Variants in ZNF112 observed in about 807,000 individuals in gnomAD.
ZNF112 encodes zinc finger protein 112.
In ZNF112, 37 loss-of-function variants were observed where a neutral mutation model predicts 77.7. The observed-to-expected ratio is 0.48, with a 90% CI of 0.37 to 0.63. ZNF112 has a LOEUF of 0.63. ZNF112 is among the 20% of genes least tolerant of loss of function. The probability of loss-of-function intolerance (pLI) is 0.00; values close to 1 mark genes in which losing one functional copy is unlikely to be tolerated. For synonymous variants in ZNF112, 333 were observed against 363.6 expected, an observed-to-expected ratio of 0.92 and a Z score of 0.96; for missense variants, 950 against 1,077.4, an observed-to-expected ratio of 0.88 and a Z score of 1.66.
At chr19:44,342,871 T>C (rs564936402) in intron 1 of ZNF112, among the ~76,000 whole-genome samples, 185 of 150,976 alleles carry the variant, frequency 1.2e-3, no homozygotes, top group Middle Eastern at 7.0e-3. Flanking sequence ...ACAGTTTACG[T>C]CAATAATATT....
chr19:44,350,125 T>C (rs1970666009), intron 1 of ZNF112, among the ~76,000 whole-genome samples: 1 of 152,082 alleles, frequency 6.6e-6, no homozygotes, highest in African/African-American at 2.4e-5. Context: ...AAAGATATGT[T>C]GGAGCAGAAA....
At chr19:44,334,312 T>C (rs1970325222) in intron 3 of ZNF112, among the ~76,000 whole-genome samples, 1 of 152,176 alleles carries the variant, frequency 6.6e-6, no homozygotes, top group Non-Finnish European at 1.5e-5. Context: ...CAGCATATGC[T>C]CATATTTATG....
intron 2 of ZNF112, among the ~76,000 whole-genome samples, chr19:44,338,468 A>G (rs1372107350): frequency 6.6e-6 from 1 of 152,168 alleles, no homozygotes; most frequent in Admixed American, 6.5e-5. Flanking sequence ...GGGTAATCAA[A>G]GTTAACACCA....
At chr19:44,340,117 C>G (rs892604000) in intron 2 of ZNF112, among the ~76,000 whole-genome samples, 1 of 151,646 alleles carries the variant, frequency 6.6e-6, no homozygotes, top group Non-Finnish European at 1.5e-5. Context: ...AAAAAAACCC[C>G]TCTAAAAAGT....
chr19:44,352,691 T>C (rs768766743), intron 1 of ZNF112, among the ~76,000 whole-genome samples: 3 of 152,084 alleles, frequency 2.0e-5, no homozygotes, highest in Non-Finnish European at 4.4e-5. Flanking sequence ...TGTATTTCTA[T>C]ACACTAACAA....
At chr19:44,337,976 TAAAAAA>T (rs145125077) in intron 2 of ZNF112, among the ~76,000 whole-genome samples, 1 of 104,536 alleles carries the variant, frequency 9.6e-6, no homozygotes, top group Non-Finnish European at 2.0e-5. Context: ...ATTCCCCAGT[TAAAAAA>T]AAAAAAAAAA....
intron 1 of ZNF112, among the ~76,000 whole-genome samples, chr19:44,365,110 T>C (rs1029965110): frequency 3.9e-5 from 6 of 152,112 alleles, no homozygotes; most frequent in African/African-American, 1.2e-4. Context: ...CAATATTGGT[T>C]TTTTTATTGT....
intron 1 of ZNF112, among the ~76,000 whole-genome samples, chr19:44,351,046 G>C (rs989228952): frequency 3.9e-5 from 6 of 151,960 alleles, no homozygotes; most frequent in Non-Finnish European, 7.4e-5. Flanking sequence ...GTGTCAGCAG[G>C]GCTGGTTGCT....
Position 44,329,883 on chromosome 19 carries a change from A to G in ZNF112, c.274T>C (p.Phe92Leu), listed in dbSNP as rs1436989773. ...CGGGAGGAAAGCTCTTTGGGGGAAA[A>G]GTAGCTTACTGTTACTTCCTGAATA... is the stretch of plus-strand genomic sequence containing the variant. ...ESIQEVTVSY[F>L]SPKELSSRQT... is the part of the protein sequence containing the mutation. Residue 92 changes from phenylalanine to leucine, a missense_variant, in exon 4 of 4, where the codon TTT (phenylalanine) becomes CTT (leucine). Physicochemically the swap from Phe to Leu is conservative, Grantham distance 22. This residue lies in a region of ZNF112 where 560 missense variants were observed against 557.3 expected (regional missense o/e 1.00). Transcript: ENST00000354340. 1 of 1,613,952 alleles carries G rather than the reference A, an allele frequency of 6.2e-7. No individual in the cohort carries two copies. Among genetic ancestry groups the G allele is most frequent in the Non-Finnish European group, 8.5e-7 (1 of 1,179,960 alleles).
intron 2 of ZNF112, 146 bp downstream of exon 2, chr19:44,340,270 C>A: frequency 9.2e-7 from 1 of 1,082,938 alleles, no homozygotes; most frequent in Non-Finnish European, 1.3e-6. Context: ...TCAGAAACAT[C>A]TTGTCTGTGT....
At chr19:44,346,638 T>C (rs1449472226) in intron 1 of ZNF112, among the ~76,000 whole-genome samples, 1 of 152,200 alleles carries the variant, frequency 6.6e-6, no homozygotes, top group Non-Finnish European at 1.5e-5. Context: ...AAAATTTGAA[T>C]ATACTCTCAC....
chr19:44,336,847 C>A, intron 2 of ZNF112, 129 bp from the exon 3 acceptor site: 1 of 676,258 alleles, frequency 1.5e-6, no homozygotes, highest in East Asian at 2.7e-5. Flanking sequence ...TTACCTTCCA[C>A]TCACTATAAG....
intron 1 of ZNF112, among the ~76,000 whole-genome samples, chr19:44,356,376 G>C (rs901887432): frequency 6.6e-6 from 1 of 152,192 alleles, no homozygotes; most frequent in Non-Finnish European, 1.5e-5. Flanking sequence ...TCAGGGGAAA[G>C]GGCTGGGGAA....
At chr19:44,356,892 G>A (rs1185293388), upstream of ZNF112, among the ~76,000 whole-genome samples, 1 of 152,128 alleles carries the variant, frequency 6.6e-6, no homozygotes, top group Non-Finnish European at 1.5e-5. Flanking sequence ...CACATGTGCC[G>A]GTCCCAAAGG....
chr19:44,346,516 T>G (rs1172790211), intron 1 of ZNF112, among the ~76,000 whole-genome samples: 1 of 152,194 alleles, frequency 6.6e-6, no homozygotes, highest in African/African-American at 2.4e-5. Flanking sequence ...TAGGTGTACA[T>G]CACCCTTTCA....
At chr19:44,353,082 T>G (rs1276382362) in intron 1 of ZNF112, among the ~76,000 whole-genome samples, 1 of 152,050 alleles carries the variant, frequency 6.6e-6, no homozygotes, top group Non-Finnish European at 1.5e-5. Context: ...GTCTTAAGAT[T>G]TACTATCAAG....
chr19:44,340,347 T>C, intron 2 of ZNF112, 69 bp downstream of exon 2: 2 of 1,561,636 alleles, frequency 1.3e-6, no homozygotes, highest in South Asian at 2.4e-5. Flanking sequence ...CTTCAGAGTT[T>C]CTAACAATTG....
chr19:44,350,850 A>C (rs890924419), intron 1 of ZNF112, among the ~76,000 whole-genome samples: 5 of 152,142 alleles, frequency 3.3e-5, no homozygotes, highest in African/African-American at 1.2e-4. Flanking sequence ...TTATTCTGAA[A>C]TGTAGTGACA....
At position 44,329,791 on chromosome 19, in the gene ZNF112, C is replaced by T. The variant is rs745429872; in HGVS notation, c.366G>A (p.Gly122=). The T allele has an allele frequency of 1.9e-6, 3 of 1,613,976 alleles. No homozygotes were observed. The highest frequency in any genetic ancestry group is 2.5e-6 in the Non-Finnish European group (3 of 1,179,990). ...CTTGTTCTTGCAACTGAGAATTCTT[C>T]CCTTGAAAAACTTTCAGGAAATCTT... ...RCQDFLKVFQ[G]KNSQLQEQGN... Residue 122 remains glycine, a synonymous_variant, in exon 4 of 4, where the codon GGG becomes GGA. Coordinates refer to ENST00000354340, the MANE Select transcript of ZNF112 (RefSeq NM_013380.4).
Sources: allele counts gnomAD v4.1 joint callset (sites outside exome capture counted in the v4.1 genomes callset), GRCh38; gene constraint gnomAD v4.1.1; regional missense constraint gnomAD v4.1.1; transcripts MANE v1.5; gene names NCBI Gene and HGNC (gene_info 2026-07-23, HGNC 2026-07-21).